The following ADGRL2 variants were observed in gnomAD, a reference collection of about 807,000 sequenced individuals.
ADGRL2 encodes the protein calcium-independent alpha-latrotoxin receptor 2.
ADGRL2 carries 44 observed loss-of-function variants against 157.4 expected under a neutral mutation model. That is an observed-to-expected ratio of 0.28 (90% confidence interval 0.22 to 0.36). The LOEUF is 0.36. Among genes scored for constraint, ADGRL2 ranks in the 10% least tolerant of loss-of-function variants. ADGRL2 has a pLI of 1.00. For missense variants in ADGRL2, 1,510 were observed against 1,768.9 expected, an observed-to-expected ratio of 0.85 and a Z score of 2.63; for synonymous variants, 585 against 624.7, an observed-to-expected ratio of 0.94 and a Z score of 0.95.
At chr1:81,857,178 T>C (rs2093231338) in intron 2 of ADGRL2, among the ~76,000 whole-genome samples, 1 of 152,202 alleles carries the variant, frequency 6.6e-6, no homozygotes, top group Admixed American at 6.5e-5. Flanking sequence ...CAGGGTTAAA[T>C]GAATAATGAA....
intron 1 of ADGRL2, among the ~76,000 whole-genome samples, chr1:81,351,079 C>T (rs1330851910): frequency 6.6e-6 from 1 of 152,136 alleles, no homozygotes; most frequent in Non-Finnish European, 1.5e-5. Context: ...AATTATTTGA[C>T]AATGTCCCCT....
At chr1:81,475,868 A>C (rs1330410766) in intron 2 of ADGRL2, among the ~76,000 whole-genome samples, 2 of 152,188 alleles carry the variant, frequency 1.3e-5, no homozygotes, top group Admixed American at 6.5e-5. Context: ...CAATCTGTGT[A>C]GGAAAGCTGT....
At chr1:81,404,468 A>G (rs1188055635) in intron 1 of ADGRL2, among the ~76,000 whole-genome samples, 2 of 152,154 alleles carry the variant, frequency 1.3e-5, no homozygotes, top group Non-Finnish European at 2.9e-5. Flanking sequence ...TTTTAATCAC[A>G]TTTTATATAT....
chr1:81,526,454 A>C (rs1402281034), intron 2 of ADGRL2, among the ~76,000 whole-genome samples: 1 of 152,220 alleles, frequency 6.6e-6, no homozygotes, highest in African/African-American at 2.4e-5. Context: ...ACTTAAAAAG[A>C]TATGTATATA....
chr1:81,851,556 A>T (rs1194988948), intron 2 of ADGRL2, among the ~76,000 whole-genome samples: 1 of 151,924 alleles, frequency 6.6e-6, no homozygotes, highest in Non-Finnish European at 1.5e-5. Flanking sequence ...ATTTTATTAT[A>T]ATGATATTTT....
chr1:81,907,247 T>C lies in ADGRL2; in HGVS notation c.287+17T>C, dbSNP rs1314740584. 6.3e-7 allele frequency: 1 copy of C among 1,593,376 alleles called. No individual in the cohort carries two copies. Among genetic ancestry groups the C allele is most frequent in the Non-Finnish European group, 8.6e-7 (1 of 1,161,076 alleles). Reference sequence around the variant, plus strand: ...GACTCAAAGGTAAATATTCATGTGTTAATGTCCCATTTGAGCTATTGTATC... The same window carrying C: ...GACTCAAAGGTAAATATTCATGTGTCAATGTCCCATTTGAGCTATTGTATC... On this transcript the variant is annotated intron_variant, in intron 3 of 23. Transcript: ENST00000686636.
rs531036079 is a variant in ADGRL2, at chr1:81,898,603, T to C, written c.74-8414T>C. On this transcript the variant is annotated intron_variant, in intron 2 of 23. Coordinates refer to ENST00000686636, the MANE Select transcript of ADGRL2 (RefSeq NM_001366006.2). ...TTTACACGAAATAGGTTTTTAACAT[T>C]CTGCCTTGTGGTATAAAAAAGCCTT... Among the ~76,000 whole-genome samples the C allele has an allele frequency of 3.9e-5, 6 of 152,328 alleles. No individual in the cohort carries two copies. In the South Asian group the frequency reaches 1.2e-3, roughly 32 times the overall value.
chr1:81,416,906 C>G (rs922247321), intron 1 of ADGRL2, among the ~76,000 whole-genome samples: 1 of 152,246 alleles, frequency 6.6e-6, no homozygotes, highest in East Asian at 1.9e-4. Context: ...AATTAATTAT[C>G]TTAGAATTGG....
chr1:81,535,746 A>C (rs895416390), intron 2 of ADGRL2, among the ~76,000 whole-genome samples: 1 of 152,200 alleles, frequency 6.6e-6, no homozygotes, highest in African/African-American at 2.4e-5. Flanking sequence ...AAGACACTCA[A>C]TGATGATAAA....
chr1:81,589,714 T>C (rs2081095462), intron 3 of ADGRL2, among the ~76,000 whole-genome samples: 1 of 152,040 alleles, frequency 6.6e-6, no homozygotes, highest in African/African-American at 2.4e-5. Context: ...ATTGCACTAA[T>C]CTGTGCAATT....
intron 2 of ADGRL2, among the ~76,000 whole-genome samples, chr1:81,849,529 C>T (rs2092923148): frequency 6.6e-6 from 1 of 151,858 alleles, no homozygotes; most frequent in Non-Finnish European, 1.5e-5. Flanking sequence ...ACATAAAGTA[C>T]TTTTGTTCAA....
chr1:81,544,305 T>C (rs957502643), intron 2 of ADGRL2, among the ~76,000 whole-genome samples: 2 of 152,188 alleles, frequency 1.3e-5, no homozygotes, highest in African/African-American at 4.8e-5. Flanking sequence ...TAAATATTTA[T>C]TGAATAAAGA....
intron 2 of ADGRL2, among the ~76,000 whole-genome samples, chr1:81,840,567 T>C (rs892980550): frequency 6.6e-6 from 1 of 152,156 alleles, no homozygotes; most frequent in African/African-American, 2.4e-5. Flanking sequence ...TGGCAAAAGC[T>C]AATTATACAA....
chr1:81,954,859 ATTG>A (rs2149122644), intron 10 of ADGRL2, among the ~76,000 whole-genome samples: 1 of 152,122 alleles, frequency 6.6e-6, no homozygotes, highest in South Asian at 2.1e-4. Flanking sequence ...AGCAATTTTT[ATTG>A]TTGTTCTTTT....
In ADGRL2 at chr1:81,622,244, TATATATATGTGTCCAAA is replaced by T. The variant is rs1182369373; in HGVS notation, c.-143+41269_-143+41285del. ...TGTCCATTATTCCGCTGGTCTTATG[TATATATATGTGTCCAAA>T]ATATGGCACCGTGGGTCCTTTAAAA... On this transcript the variant is annotated intron_variant, in intron 3 of 24. Coordinates refer to the ADGRL2 transcript ENST00000370721. 2.6e-5 allele frequency among the ~76,000 whole-genome samples: 4 copies of T among 152,318 alleles called. No individual in the cohort carries two copies. The South Asian group carries it at 8.3e-4, about 32-fold the overall frequency.
chr1:81,450,887 T>C (rs1007275661), intron 2 of ADGRL2, among the ~76,000 whole-genome samples: 1 of 152,096 alleles, frequency 6.6e-6, no homozygotes, highest in African/African-American at 2.4e-5. Flanking sequence ...AAAGTAAAAA[T>C]CAATCTGACT....
chr1:81,457,415 G>A (rs552730905), intron 2 of ADGRL2, among the ~76,000 whole-genome samples: 11 of 152,016 alleles, frequency 7.2e-5, no homozygotes, highest in Admixed American at 4.6e-4. Flanking sequence ...TTAGACACTC[G>A]ATACTAATCA....
chr1:81,521,860 G>A (rs2079323579), intron 2 of ADGRL2, among the ~76,000 whole-genome samples: 1 of 152,052 alleles, frequency 6.6e-6, no homozygotes, highest in South Asian at 2.1e-4. Context: ...TCCTTCTCCT[G>A]TGTGTATTAA....
chr1:81,907,152 A>G lies in ADGRL2; in HGVS notation c.209A>G (p.Lys70Arg), dbSNP rs2094599820. Residue 70 changes from lysine to arginine, a missense_variant, in exon 3 of 24, where the codon AAG (lysine) becomes AGG (arginine). Around this residue, in one of 4 missense-constraint regions of ADGRL2, gnomAD observed 361 missense variants for 498.4 expected, o/e 0.72. Transcript: ENST00000686636. The stretch of plus-strand genomic sequence containing the variant: ...GCTAACTATGGTCGGACGGATGACA[A>G]GATTTGTGATGCTGACCCATTTCAG... ...ESANYGRTDD[K>R]ICDADPFQME... 8 of 1,614,120 alleles carry G rather than the reference A, an allele frequency of 5.0e-6. No homozygotes were observed. In the East Asian group the frequency reaches 1.6e-4, roughly 31 times the overall value.
Sources: gnomAD v4.1 joint callset for allele counts (sites outside exome capture counted in the v4.1 genomes callset) on GRCh38, gnomAD v4.1.1 for gene constraint, gnomAD v4.1.1 regional missense constraint, MANE v1.5 for transcripts, NCBI Gene and HGNC (gene_info 2026-07-23, HGNC 2026-07-21) for gene names.